HSF5: variants seen among roughly 807,000 people sequenced by gnomAD.
The protein encoded by HSF5 is heat shock factor protein 5.
In HSF5, 5 loss-of-function variants were observed where a neutral mutation model predicts 50.8. That is an observed-to-expected ratio of 0.10 (90% CI 0.05 to 0.21). HSF5 has a LOEUF of 0.21. HSF5 is among the 10% of genes least tolerant of loss of function. The pLI, the probability that HSF5 is intolerant of heterozygous loss-of-function variation, is 1.00. For missense variants in HSF5, 564 were observed against 762.6 expected (o/e 0.74, Z 3.07); for synonymous variants, 307 against 307.4 (o/e 1.00, Z 0.02).
At chr17:58,486,682 C>T (rs952298297) in intron 1 of HSF5, among the ~76,000 whole-genome samples, 9 of 152,240 alleles carry the variant, frequency 5.9e-5, no homozygotes, top group Admixed American at 3.3e-4. Flanking sequence ...TTGTAAGCCA[C>T]GATGTATCGT....
chr17:58,436,130 C>G (rs1026359456), intron 5 of HSF5, among the ~76,000 whole-genome samples: 4 of 152,028 alleles, frequency 2.6e-5, no homozygotes, highest in African/African-American at 9.7e-5. Flanking sequence ...GCAGGTTTTT[C>G]TAACACCAAA....
chr17:58,457,187 G>A (rs1336124991), intron 5 of HSF5, among the ~76,000 whole-genome samples: 1 of 151,940 alleles, frequency 6.6e-6, no homozygotes, highest in Non-Finnish European at 1.5e-5. Flanking sequence ...TTAAACCTGG[G>A]AGGTGGAAGT....
chr17:58,484,590 T>C (rs1975143163), intron 1 of HSF5, among the ~76,000 whole-genome samples: 1 of 141,336 alleles, frequency 7.1e-6, no homozygotes, highest in African/African-American at 2.7e-5. Context: ...ACATGCAACC[T>C]GAAAAAAAAA....
At chr17:58,465,074 C>T (rs987001982) in intron 3 of HSF5, among the ~76,000 whole-genome samples, 5 of 151,520 alleles carry the variant, frequency 3.3e-5, no homozygotes, top group Non-Finnish European at 4.4e-5. Flanking sequence ...CCACCTCAGC[C>T]TCCCAAGCTA....
At chr17:58,427,894 A>T (rs1974315578) in intron 5 of HSF5, among the ~76,000 whole-genome samples, 1 of 152,226 alleles carries the variant, frequency 6.6e-6, no homozygotes, top group African/African-American at 2.4e-5. Flanking sequence ...GTCAGATAAT[A>T]AATATTTTAG....
rs181941900 is a variant in HSF5 at position 58,473,316 on chromosome 17, T to C, written c.926-6337A>G. On this transcript the variant is annotated intron_variant, in intron 2 of 5. Coordinates refer to ENST00000323777, the MANE Select transcript of HSF5 (RefSeq NM_001080439.3). ...AGGGCAGCTACAAATTTACTAACCA[T>C]TGCCTTGAGTTTAAAACTTTGAAAA... 3.0e-3 allele frequency among the ~76,000 whole-genome samples: 458 copies of C among 152,288 alleles called. 3 individuals carry two copies. Among genetic ancestry groups the C allele is most frequent in the African/African-American group, 0.011 (445 of 41,568 alleles).
chr17:58,430,662 C>A (rs917455378), intron 5 of HSF5, among the ~76,000 whole-genome samples: 8 of 152,162 alleles, frequency 5.3e-5, no homozygotes, highest in Non-Finnish European at 1.0e-4. Context: ...ACAAGTTACA[C>A]CATTGGCTTC....
intron 5 of HSF5, 73 bp from the exon 6 acceptor site, chr17:58,422,503 G>T: frequency 8.4e-7 from 1 of 1,192,680 alleles, no homozygotes; most frequent in Non-Finnish European, 1.2e-6. Flanking sequence ...CAGACAAGCA[G>T]AACAAGTTGT....
intron 5 of HSF5, 53 bp from the exon 6 acceptor site, chr17:58,422,483 G>T: frequency 6.8e-7 from 1 of 1,460,940 alleles, no homozygotes; most frequent in South Asian, 1.2e-5. Context: ...GAGTTCTATA[G>T]ACAAGTTTTC....
At chr17:58,423,483 C>CTTTTTT (rs71143245) in intron 5 of HSF5, among the ~76,000 whole-genome samples, 9 of 106,526 alleles carry the variant, frequency 8.4e-5, no homozygotes, top group Admixed American at 3.1e-4. Context: ...GACCAGGGAG[C>CTTTTTT]TTTTTTTTTT....
Sources: allele counts gnomAD v4.1 joint callset (sites outside exome capture counted in the v4.1 genomes callset), GRCh38; gene constraint gnomAD v4.1.1; transcripts MANE v1.5; gene names NCBI Gene and HGNC (gene_info 2026-07-23, HGNC 2026-07-21).